PCDHA2: variants seen among roughly 807,000 people sequenced by gnomAD.
PCDHA2 encodes protocadherin alpha 2.
A neutral mutation model predicts 66.0 loss-of-function variants in PCDHA2; 58 were observed. The ratio of observed to expected loss-of-function variants is 0.88; its 90% CI spans 0.71 to 1.09. The LOEUF is 1.09. Among genes scored for constraint, PCDHA2 ranks in the 50% least tolerant of loss-of-function variants. The pLI, the probability that PCDHA2 is intolerant of heterozygous loss-of-function variation, is 0.00. For synonymous variants in PCDHA2, 634 were observed against 554.0 expected (o/e 1.14, Z -2.03); for missense variants, 1,267 against 1,242.3 (o/e 1.02, Z -0.30).
chr5:140,807,279 T>C lies in PCDHA2; in HGVS notation c.2388+9927T>C, dbSNP rs782310722. ...GCCTGGGAGGCAGGGAACGGTCAGC[T>C]CCACTACTCGGTCTCCGAGGAGGCC... On this transcript the variant is annotated intron_variant, in intron 1 of 3. Transcript: ENST00000526136. 3.7e-6 allele frequency: 6 copies of C among 1,614,094 alleles called. No homozygotes were observed. The Admixed American group carries it at 6.7e-5, about 18-fold the overall frequency.
At chr5:140,924,188 T>A (rs2081715328) in intron 1 of PCDHA2, among the ~76,000 whole-genome samples, 1 of 152,146 alleles carries the variant, frequency 6.6e-6, no homozygotes, top group African/African-American at 2.4e-5. Flanking sequence ...AGAAAATTAG[T>A]TTTGGTTTAG....
intron 1 of PCDHA2, among the ~76,000 whole-genome samples, chr5:140,947,509 T>C (rs1358803536): frequency 2.6e-5 from 4 of 151,722 alleles, no homozygotes; most frequent in Non-Finnish European, 4.4e-5. Flanking sequence ...AATTTTCATA[T>C]AAATTTTAGA....
chr5:140,877,458 G>T lies in PCDHA2; in HGVS notation c.2388+80106G>T, dbSNP rs200155876. 8.2e-5 allele frequency: 133 copies of T among 1,613,696 alleles called. 1 individual carries two copies. The highest frequency in any genetic ancestry group is 2.5e-5 in the Non-Finnish European group (30 of 1,179,864). ...ACGGTGAGCCCGCGCTGACGTCCAC[G>T]GCCACGGTGCTGGTGTCGCTGGTGG... On this transcript the variant is annotated intron_variant, in intron 1 of 3. Transcript: ENST00000526136.
chr5:141,007,133 G>A (rs1588151080), intron 3 of PCDHA2, among the ~76,000 whole-genome samples: 1 of 152,128 alleles, frequency 6.6e-6, no homozygotes, highest in South Asian at 2.1e-4. Flanking sequence ...CAGATGAGGA[G>A]ACTGACAAAG....
chr5:140,852,853 C>A, intron 1 of PCDHA2: 1 of 962,938 alleles, frequency 1.0e-6, no homozygotes, highest in Non-Finnish European at 1.3e-6. Context: ...ACTTACTAAG[C>A]ATTTACTATG....
intron 1 of PCDHA2, chr5:140,884,027 G>C (rs2059948411): frequency 6.2e-7 from 1 of 1,613,258 alleles, no homozygotes; most frequent in Admixed American, 1.7e-5. Context: ...GTCGGTGGGT[G>C]CAGGCCACGT....
chr5:141,000,383 CTCTCTCTCTCTCTA>C (rs1438422699), intron 3 of PCDHA2, among the ~76,000 whole-genome samples: 4 of 63,178 alleles, frequency 6.3e-5, no homozygotes, highest in African/African-American at 2.9e-4. Context: ...CTCTCTCTCT[CTCTCTCTCTCTCTA>C]TATATATATA....
intron 1 of PCDHA2, chr5:140,828,357 G>A: frequency 6.2e-7 from 1 of 1,614,244 alleles, no homozygotes; most frequent in South Asian, 1.1e-5. Flanking sequence ...GTGAATTCTC[G>A]GATCGACCGC....
rs1310141347 is a variant in PCDHA2, at chr5:140,970,963, T to C, written c.2389-7986T>C. ...TGCTGAGAAACCATGGGAGGCAGAT[T>C]GTAGATTAAGAAAAATGGGGGAATA... On this transcript the variant is annotated intron_variant, in intron 1 of 3. Coordinates refer to ENST00000526136, the MANE Select transcript of PCDHA2 (RefSeq NM_018905.3). Among the ~76,000 whole-genome samples, 41 of 152,180 alleles carry C rather than the reference T, an allele frequency of 2.7e-4. 1 individual carries two copies. Among genetic ancestry groups the C allele is most frequent in the Admixed American group, 2.7e-3 (41 of 15,274 alleles).
chr5:140,849,848 C>A (rs2150453425), intron 1 of PCDHA2: 1 of 1,598,546 alleles, frequency 6.3e-7, no homozygotes, highest in African/African-American at 1.3e-5. Context: ...TGAACGACAA[C>A]GCACCAGCGT....
chr5:140,828,562 G>C (rs1769827145), intron 1 of PCDHA2: 1 of 1,614,114 alleles, frequency 6.2e-7, no homozygotes, highest in Admixed American at 1.7e-5. Flanking sequence ...TGGAGGGCGC[G>C]TCCGATGCAG....
intron 1 of PCDHA2, chr5:140,855,849 C>T: frequency 7.5e-6 from 5 of 665,166 alleles, no homozygotes; most frequent in Non-Finnish European, 1.2e-5. Flanking sequence ...CCTAAAGCCA[C>T]CGGATGTCGC....
intron 1 of PCDHA2, chr5:140,816,555 C>T (rs1554127095): frequency 6.6e-6 from 1 of 151,082 alleles, no homozygotes; most frequent in Non-Finnish European, 1.5e-5. Flanking sequence ...TTTGATTGGG[C>T]CATGTTTCCT....
At chr5:140,803,456 G>A (rs372857774) in intron 1 of PCDHA2, 1 of 1,614,138 alleles carries the variant, frequency 6.2e-7, no homozygotes, top group Non-Finnish European at 8.5e-7. Flanking sequence ...ACTCGCAGCA[G>A]AGGCAGCAGA....
chr5:140,807,082 G>A (rs1763843057), intron 1 of PCDHA2: 16 of 1,269,970 alleles, frequency 1.3e-5, no homozygotes, highest in Non-Finnish European at 1.4e-5. Flanking sequence ...ACACTCTTTG[G>A]AGTCTGAAAT....
intron 1 of PCDHA2, among the ~76,000 whole-genome samples, chr5:140,975,537 C>T (rs1554236874): frequency 6.6e-6 from 1 of 152,166 alleles, no homozygotes; most frequent in African/African-American, 2.4e-5. Context: ...ATTCTTAATA[C>T]AGTCCTATTA....
chr5:140,991,317 T>C (rs2097444971), intron 3 of PCDHA2, among the ~76,000 whole-genome samples: 1 of 152,208 alleles, frequency 6.6e-6, no homozygotes, highest in Admixed American at 6.5e-5. Flanking sequence ...TCCCGCATGA[T>C]ACATGAAGGG....
At chr5:140,921,967 G>GA (rs2080533534) in intron 1 of PCDHA2, among the ~76,000 whole-genome samples, 1 of 151,284 alleles carries the variant, frequency 6.6e-6, no homozygotes, top group Non-Finnish European at 1.5e-5. Context: ...AAAACCAAAG[G>GA]AAAAAATAGA....
chr5:140,998,746 A>C (rs1473770059), intron 3 of PCDHA2, among the ~76,000 whole-genome samples: 2 of 151,954 alleles, frequency 1.3e-5, no homozygotes, highest in Non-Finnish European at 2.9e-5. Context: ...GTATTTTTAG[A>C]AGAGACACAG....
Sources: allele counts gnomAD v4.1 joint callset (sites outside exome capture counted in the v4.1 genomes callset), GRCh38; gene constraint gnomAD v4.1.1; transcripts MANE v1.5; gene names NCBI Gene and HGNC (gene_info 2026-07-23, HGNC 2026-07-21).